SLC31A1: variants seen among roughly 807,000 people sequenced by gnomAD.
SLC31A1 encodes the protein high affinity copper uptake protein 1.
A neutral mutation model predicts 17.2 loss-of-function variants in SLC31A1; 5 were observed. The observed-to-expected ratio is 0.29, with a 90% CI of 0.15 to 0.61. The LOEUF (loss-of-function observed/expected upper bound fraction) is 0.61. Ranked by LOEUF, SLC31A1 falls within the 20% of genes least tolerant of loss-of-function variation. The probability of loss-of-function intolerance (pLI) is 0.86; values close to 1 mark genes in which losing one functional copy is unlikely to be tolerated. For missense variants in SLC31A1, 161 were observed against 241.4 expected (o/e 0.67, Z 2.21); for synonymous variants, 76 against 78.8 (o/e 0.96, Z 0.19).
chr9:113,239,949 G>A (rs578076581), intron 1 of SLC31A1, among the ~76,000 whole-genome samples: 3 of 152,286 alleles, frequency 2.0e-5, no homozygotes, highest in African/African-American at 7.2e-5. Context: ...CGCTCACTCA[G>A]TATGTTCTGT....
intron 1 of SLC31A1, among the ~76,000 whole-genome samples, chr9:113,223,065 A>T (rs904889806): frequency 2.0e-5 from 3 of 152,006 alleles, no homozygotes; most frequent in Non-Finnish European, 4.4e-5. Context: ...TTTTCTTTAA[A>T]AAAAAAAAAT....
At chr9:113,248,526 A>G (rs968857015) in intron 1 of SLC31A1, among the ~76,000 whole-genome samples, 12 of 137,742 alleles carry the variant, frequency 8.7e-5, no homozygotes, top group South Asian at 7.3e-4. Flanking sequence ...CTGGAGTGCA[A>G]TGGTGCAGTC....
rs1019731324 is a variant in SLC31A1, at chr9:113,222,288, G to A, written c.-36+610G>A. 6.6e-5 allele frequency among the ~76,000 whole-genome samples: 10 copies of A among 152,118 alleles called. No individual in the cohort carries two copies. In the East Asian group the frequency reaches 1.9e-3, roughly 29 times the overall value. On this transcript the variant is annotated intron_variant, in intron 1 of 4. Coordinates refer to ENST00000374212, the MANE Select transcript of SLC31A1 (RefSeq NM_001859.4). ...ATATTCTGGCGGTGGGTGATGGAAA[G>A]GAGGATACTTTGGAGGCAGACACAT...
chr9:113,231,715 AATC>A (rs1425277459), intron 1 of SLC31A1, among the ~76,000 whole-genome samples: 1 of 152,234 alleles, frequency 6.6e-6, no homozygotes, highest in Non-Finnish European at 1.5e-5. Context: ...ATGTGTATGA[AATC>A]ATCAAGATCA....
intron 1 of SLC31A1, among the ~76,000 whole-genome samples, chr9:113,229,477 C>T (rs572810688): frequency 3.1e-4 from 47 of 152,166 alleles, no homozygotes; most frequent in Non-Finnish European, 1.8e-4. Context: ...TATATATGAT[C>T]GTTCTCATTC....
chr9:113,241,049 C>CAAA (rs11330445), intron 1 of SLC31A1, among the ~76,000 whole-genome samples: 3 of 94,966 alleles, frequency 3.2e-5, no homozygotes, highest in African/African-American at 4.6e-5. Context: ...GACTCTGTCT[C>CAAA]AAAAAAAAAA....
At chr9:113,248,218 G>A (rs754484375) in intron 1 of SLC31A1, among the ~76,000 whole-genome samples, 6 of 151,926 alleles carry the variant, frequency 3.9e-5, no homozygotes, top group Non-Finnish European at 8.8e-5. Flanking sequence ...CGGCTACTTG[G>A]GAGGCTTAGG....
intron 1 of SLC31A1, among the ~76,000 whole-genome samples, chr9:113,232,575 TA>T (rs1831412518): frequency 6.6e-6 from 1 of 151,442 alleles, no homozygotes; most frequent in Admixed American, 6.6e-5. Flanking sequence ...CTTACACTGG[TA>T]ATCTCAGCAC....
intron 3 of SLC31A1, among the ~76,000 whole-genome samples, chr9:113,257,935 C>T (rs908731423): frequency 6.6e-6 from 1 of 152,180 alleles, no homozygotes; most frequent in Non-Finnish European, 1.5e-5. Context: ...GACTCGCCAT[C>T]AATCATAGAG....
At chr9:113,252,946 C>CTTTTTTTTTTTTTTTTTT (rs1282361795) in intron 1 of SLC31A1, among the ~76,000 whole-genome samples, 3 of 113,706 alleles carry the variant, frequency 2.6e-5, no homozygotes, top group African/African-American at 7.1e-5. Context: ...CTTTTCTTTT[C>CTTTTTTTTTTTTTTTTTT]TTTTTTTCTT....
intron 1 of SLC31A1, among the ~76,000 whole-genome samples, chr9:113,222,594 C>A (rs1831295184): frequency 6.6e-6 from 1 of 152,138 alleles, no homozygotes; most frequent in African/African-American, 2.4e-5. Flanking sequence ...GTGTCCCTTA[C>A]GTGAATGTTT....
chr9:113,249,320 A>C (rs761660571), intron 1 of SLC31A1, among the ~76,000 whole-genome samples: 13 of 150,860 alleles, frequency 8.6e-5, no homozygotes, highest in Non-Finnish European at 1.9e-4. Flanking sequence ...AAAAAAAGTA[A>C]ATGAAAGGGC....
rs1371376273 is a variant in SLC31A1, at chr9:113,260,451, A to G, written c.551A>G (p.Asp184Gly). ...AGCTGGAAGAAGGCAGTGGTAGTGG[A>G]TATCACAGAGCATTGCCATTGACAT... ...LFSWKKAVVV[D>G]ITEHCH Residue 184 changes from aspartate to glycine, a missense_variant, in exon 5 of 5, where the codon GAT becomes GGT. Asp to Gly is a moderately conservative substitution (Grantham distance 94). Coordinates refer to ENST00000374212, the MANE Select transcript of SLC31A1 (RefSeq NM_001859.4). 1.2e-6 allele frequency: 2 copies of G among 1,613,980 alleles called. No individual in the cohort carries two copies. The highest frequency in any genetic ancestry group is 1.3e-5 in the African/African-American group (1 of 75,052).
chr9:113,246,498 C>T (rs190978868), intron 1 of SLC31A1, among the ~76,000 whole-genome samples: 176 of 151,358 alleles, frequency 1.2e-3, no homozygotes, highest in Non-Finnish European at 1.9e-3. Flanking sequence ...ACTATAGGCG[C>T]GTGCCACCAC....
At chr9:113,235,683 G>A (rs1334515143) in intron 1 of SLC31A1, among the ~76,000 whole-genome samples, 3 of 152,188 alleles carry the variant, frequency 2.0e-5, no homozygotes, top group Non-Finnish European at 4.4e-5. Flanking sequence ...CAGGAGGGGA[G>A]CTCCTGGAGT....
rs533585760 is a variant in SLC31A1, at chr9:113,227,917, A to G, written c.-36+6239A>G. Reference sequence around the variant, plus strand: ...AGGCTGTATACTTCAAGAAACATGAAAGTGAGCCTTATGTGTGACTTAGTT... The same window carrying G: ...AGGCTGTATACTTCAAGAAACATGAGAGTGAGCCTTATGTGTGACTTAGTT... On this transcript the variant is annotated intron_variant, in intron 1 of 4. Coordinates refer to ENST00000374212, the MANE Select transcript of SLC31A1 (RefSeq NM_001859.4). 1.2e-3 allele frequency among the ~76,000 whole-genome samples: 180 copies of G among 152,360 alleles called. 1 individual carries two copies. The highest frequency in any genetic ancestry group is 2.0e-3 in the Non-Finnish European group (134 of 68,036).
At chr9:113,255,974 A>T (rs1209031269) in intron 1 of SLC31A1, 140 bp from the exon 2 acceptor site, 1 of 588,740 alleles carries the variant, frequency 1.7e-6, no homozygotes, top group African/African-American at 1.9e-5. Context: ...TCCTGTACTG[A>T]TCAGTAGTGG....
intron 1 of SLC31A1, among the ~76,000 whole-genome samples, chr9:113,237,608 A>G (rs1353552649): frequency 6.6e-6 from 1 of 152,240 alleles, no homozygotes; most frequent in African/African-American, 2.4e-5. Flanking sequence ...TGAGGTCAGA[A>G]TCAGGCTTCT....
At chr9:113,229,784 ATATCT>A (rs968669627) in intron 1 of SLC31A1, among the ~76,000 whole-genome samples, 1 of 152,194 alleles carries the variant, frequency 6.6e-6, no homozygotes, top group African/African-American at 2.4e-5. Context: ...TTTCTTGGTA[ATATCT>A]TAATTTTTAT....
Sources: allele counts gnomAD v4.1 joint callset (sites outside exome capture counted in the v4.1 genomes callset), GRCh38; gene constraint gnomAD v4.1.1; transcripts MANE v1.5; gene names NCBI Gene and HGNC (gene_info 2026-07-23, HGNC 2026-07-21).